The following TCF7 variants were observed in gnomAD, a reference collection of about 807,000 sequenced individuals.
TCF7 encodes T-cell-factor-7.
Under a neutral mutation model 46.8 loss-of-function variants are expected in TCF7, and 19 were observed. The observed-to-expected ratio is 0.41, with a 90% CI of 0.28 to 0.60. TCF7 has a LOEUF of 0.60. Among genes scored for constraint, TCF7 ranks in the 20% least tolerant of loss-of-function variants. The probability of loss-of-function intolerance (pLI) is 0.35; values close to 1 mark genes in which losing one functional copy is unlikely to be tolerated. For missense variants in TCF7, 547 were observed against 504.6 expected (o/e 1.08, Z -0.81); for synonymous variants, 245 against 213.4 (o/e 1.15, Z -1.29).
At chr5:134,122,390 G>A (rs1756721009) in intron 3 of TCF7, among the ~76,000 whole-genome samples, 1 of 152,176 alleles carries the variant, frequency 6.6e-6, no homozygotes, top group Non-Finnish European at 1.5e-5. Context: ...GGCTCTACCA[G>A]GTTCCACCAA....
In TCF7 at chr5:134,143,578, T is replaced by C. The variant is rs761998540; in HGVS notation, c.1027-14T>C. On this transcript the variant is annotated splice_polypyrimidine_tract_variant and intron_variant, in intron 8 of 9. Transcript: ENST00000342854. Reference sequence around the variant, plus strand: ...CCTCCCAGATCTGAGCATCCCTCCTTTTGTTCCCTGCAGGGGAAGAAGAAG... The same window carrying C: ...CCTCCCAGATCTGAGCATCCCTCCTCTTGTTCCCTGCAGGGGAAGAAGAAG... The C allele has an allele frequency of 1.1e-5, 18 of 1,614,048 alleles. No homozygotes were observed. The Admixed American group carries it at 1.2e-4, about 10-fold the overall frequency.
At chr5:134,133,465 G>A (rs1758439188) in intron 3 of TCF7, among the ~76,000 whole-genome samples, 1 of 152,134 alleles carries the variant, frequency 6.6e-6, no homozygotes, top group South Asian at 2.1e-4. Flanking sequence ...TACATGCCAG[G>A]CCCCAGGTGA....
chr5:134,118,942 C>T (rs1479983669), intron 3 of TCF7, among the ~76,000 whole-genome samples: 3 of 152,230 alleles, frequency 2.0e-5, no homozygotes, highest in South Asian at 4.1e-4. Flanking sequence ...CTACAATGCC[C>T]GGCTAAGTTT....
chr5:134,129,466 A>G (rs1024526956), intron 3 of TCF7, among the ~76,000 whole-genome samples: 2 of 152,152 alleles, frequency 1.3e-5, no homozygotes, highest in Non-Finnish European at 2.9e-5. Flanking sequence ...AGCTGCATGA[A>G]TAACTGCCTG....
intron 3 of TCF7, among the ~76,000 whole-genome samples, chr5:134,121,402 G>A (rs1431996247): frequency 1.3e-5 from 2 of 152,000 alleles, no homozygotes; most frequent in Non-Finnish European, 2.9e-5. Context: ...TGGCCAACAC[G>A]GTAAAACCGG....
chr5:134,146,743 G>A lies in TCF7; in HGVS notation c.*440G>A, dbSNP rs900697385. 9 of 586,044 alleles carry A rather than the reference G, an allele frequency of 1.5e-5. No homozygotes were observed. In the African/African-American group the frequency reaches 1.7e-4, roughly 11 times the overall value. 36.3% of individuals were successfully genotyped at this position (586,044 alleles called of 1,614,324 possible). A position where few individuals can be genotyped will look rare whatever the true frequency, so the allele number is the denominator to read the frequency against. ...GTCTTGATGTGTCATCTAATTAAGG[G>A]AATCCCTTGTACCTATGGCTGCCTG... On this transcript the variant is annotated 3_prime_UTR_variant, in exon 10 of 10. Coordinates refer to ENST00000342854, the MANE Select transcript of TCF7 (RefSeq NM_003202.5).
chr5:134,138,752 C>T, intron 4 of TCF7, 199 bp from the exon 5 acceptor site: 1 of 806,988 alleles, frequency 1.2e-6, no homozygotes, highest in Non-Finnish European at 1.9e-6. Context: ...CACCCCAGCC[C>T]TCTGCCCTGG....
At position 134,115,994 on chromosome 5, in the gene TCF7, C is replaced by G. The variant is rs372168965; in HGVS notation, c.402C>G (p.Pro134=). ...ATCTGCTCATGCATTACCCACCCCC[C>G]TCGGGAGCAGGGCAGCACCCCCAGC... ...AFNLLMHYPP[P]SGAGQHPQPQ... Residue 134 remains proline (P), a synonymous_variant, in exon 3 of 10, where the codon CCC becomes CCG. Coordinates refer to ENST00000342854, the MANE Select transcript of TCF7 (RefSeq NM_003202.5). 1 of 1,613,720 alleles carries G rather than the reference C, an allele frequency of 6.2e-7. No individual in the cohort carries two copies. Among genetic ancestry groups the G allele is most frequent in the Non-Finnish European group, 8.5e-7 (1 of 1,179,994 alleles).
Position 134,135,929 on chromosome 5 carries a change from A to G in TCF7, c.442-2130A>G, listed in dbSNP as rs148945606. ...TCTTTCAAGGAAGTGGGAGAAACCA[A>G]TTGTGTCTGATGCTGCAGAGAGGTT... On this transcript the variant is annotated intron_variant, in intron 3 of 9. Transcript: ENST00000342854. Among the ~76,000 whole-genome samples the G allele has an allele frequency of 3.5e-3, 532 of 152,348 alleles. 1 individual carries two copies. Among genetic ancestry groups the G allele is most frequent in the African/African-American group, 0.011 (476 of 41,588 alleles).
Position 134,142,294 on chromosome 5 carries a change from G to T in TCF7, c.745G>T (p.Asp249Tyr), listed in dbSNP as rs143237515. Residue 249 changes from aspartate to tyrosine, a missense_variant, in exon 6 of 10, where the codon GAC becomes TAC. Physicochemically the swap from Asp to Tyr is radical, Grantham distance 160. This residue lies in a region of TCF7 where 425 missense variants were observed against 349.9 expected (regional missense o/e 1.21). Transcript: ENST00000342854. ...AGGGAAGCAGGAGCTGCAGCCCTTCGACCGCAACCTGTGAGTGAAAAGACA... is the reference window on the plus strand; with the variant it reads ...AGGGAAGCAGGAGCTGCAGCCCTTCTACCGCAACCTGTGAGTGAAAAGACA... ...PSGKQELQPF[D>Y]RNLKTQAESK... The T allele has an allele frequency of 1.3e-5, 21 of 1,587,580 alleles. No individual in the cohort carries two copies. The highest frequency in any genetic ancestry group is 2.7e-5 in the African/African-American group (2 of 74,270).
chr5:134,113,138 C>T (rs1312099019), upstream of TCF7, among the ~76,000 whole-genome samples: 1 of 152,198 alleles, frequency 6.6e-6, no homozygotes, highest in Non-Finnish European at 1.5e-5. Context: ...CCCGCCAATC[C>T]GGAGCAGATG....
intron 3 of TCF7, among the ~76,000 whole-genome samples, chr5:134,134,185 CCCAACTCTGGGCAGAGCA>C (rs745969019): frequency 1.1e-4 from 16 of 152,348 alleles, no homozygotes; most frequent in South Asian, 4.1e-4. Flanking sequence ...GGGGCAGAGC[CCCAACTCTGGGCAGAGCA>C]GAGACTCTGG....
At chr5:134,138,506 C>T (rs1224216992) in intron 4 of TCF7, 1 of 301,020 alleles carries the variant, frequency 3.3e-6, no homozygotes, top group East Asian at 6.2e-5. Context: ...GGCTGATTCA[C>T]CTCAGCCTCA....
At chr5:134,144,040 G>A (rs1416052561) in intron 9 of TCF7, 1 of 188,894 alleles carries the variant, frequency 5.3e-6, no homozygotes, top group Non-Finnish European at 1.1e-5. Flanking sequence ...ACTAGGCCCA[G>A]TAGACACACA....
rs527647057 is a variant in TCF7 at position 134,139,109 on chromosome 5, C to T, written c.635+71C>T. ...CCAAGACCTGCCTGCCCTTCCATTT[C>T]CTCCTCCATCCCTCTTGGCTGGCCA... On this transcript the variant is annotated intron_variant, in intron 5 of 9. Transcript: ENST00000342854. 102 of 1,570,770 alleles carry T rather than the reference C, an allele frequency of 6.5e-5. 1 individual carries two copies. The South Asian group carries it at 1.2e-3, about 18-fold the overall frequency.
At chr5:134,115,473 C>G in intron 2 of TCF7, 86 bp downstream of exon 2, 1 of 1,518,352 alleles carries the variant, frequency 6.6e-7, no homozygotes, top group Non-Finnish European at 8.9e-7. Flanking sequence ...CGCGGGGAGC[C>G]GGGTGCCTCC....
At position 134,146,891 on chromosome 5, in the gene TCF7, C is replaced by T. The variant is rs938806378; in HGVS notation, c.*588C>T. 2.5e-5 allele frequency: 7 copies of T among 284,046 alleles called. No homozygotes were observed. The highest frequency in any genetic ancestry group is 1.4e-4 in the African/African-American group (6 of 43,906). The allele number at this position is 284,046 out of a possible 1,614,324, so 17.6% of individuals were successfully genotyped here. On this transcript the variant is annotated 3_prime_UTR_variant, in exon 10 of 10. Transcript: ENST00000342854. ...CCTTCTCTACCCATCTCCCCCATCCCCCACTGCCACACCCTCCCCATTCAG... is the reference window on the plus strand; with the variant it reads ...CCTTCTCTACCCATCTCCCCCATCCTCCACTGCCACACCCTCCCCATTCAG...
In TCF7 at chr5:134,146,402, A is replaced by G. The variant is rs372347801; in HGVS notation, c.*99A>G. The stretch of plus-strand genomic sequence containing the variant: ...TACTAGCCCTGCGGAGCCGGCACCT[A>G]CATCCCCAGGTCTCTCCACTGCTCT... On this transcript the variant is annotated 3_prime_UTR_variant, in exon 10 of 10. Transcript: ENST00000342854. 32 of 1,440,508 alleles carry G rather than the reference A, an allele frequency of 2.2e-5. No homozygotes were observed. The highest frequency in any genetic ancestry group is 2.9e-5 in the Non-Finnish European group (30 of 1,022,336). 89.2% of individuals were successfully genotyped at this position (1,440,508 alleles called of 1,614,324 possible).
intron 3 of TCF7, among the ~76,000 whole-genome samples, chr5:134,127,479 C>G (rs538596156): frequency 5.3e-5 from 8 of 152,372 alleles, no homozygotes; most frequent in African/African-American, 1.4e-4. Context: ...GGTCCTGATG[C>G]AGCTCAGTGC....
Sources: gnomAD v4.1 joint callset for allele counts (sites outside exome capture counted in the v4.1 genomes callset) on GRCh38, gnomAD v4.1.1 for gene constraint, gnomAD v4.1.1 regional missense constraint, MANE v1.5 for transcripts, NCBI Gene and HGNC (gene_info 2026-07-23, HGNC 2026-07-21) for gene names.